NRXN1: variants seen among roughly 807,000 people sequenced by gnomAD.
NRXN1 encodes neurexin-1.
In NRXN1, 39 loss-of-function variants were observed where a neutral mutation model predicts 150.9. That is an observed-to-expected ratio of 0.26 (90% CI 0.20 to 0.34). NRXN1 has a LOEUF of 0.34. Among genes scored for constraint, NRXN1 ranks in the 10% least tolerant of loss-of-function variants. NRXN1 has a pLI of 1.00. For synonymous variants in NRXN1, 924 were observed against 757.0 expected (o/e 1.22, Z -3.62); for missense variants, 1,815 against 1,949.9 (o/e 0.93, Z 1.30).
intron 5 of NRXN1, among the ~76,000 whole-genome samples, chr2:50,762,279 C>T (rs777493596): frequency 4.6e-5 from 7 of 151,848 alleles, no homozygotes; most frequent in Non-Finnish European, 8.8e-5. Flanking sequence ...GTAGCTGAGA[C>T]TACAGGCTCA....
chr2:50,501,196 G>T (rs1005864054), intron 13 of NRXN1, among the ~76,000 whole-genome samples: 6 of 152,136 alleles, frequency 3.9e-5, no homozygotes, highest in Non-Finnish European at 5.9e-5. Flanking sequence ...TCCAGGAAGG[G>T]GAGACGGATG....
intron 12 of NRXN1, among the ~76,000 whole-genome samples, chr2:50,521,100 G>C (rs2092776113): frequency 6.6e-6 from 1 of 152,080 alleles, no homozygotes; most frequent in Non-Finnish European, 1.5e-5. Context: ...TGGTTCCAAA[G>C]CTGGTTGATT....
chr2:50,562,339 ATAG>A (rs1417966706), intron 8 of NRXN1, among the ~76,000 whole-genome samples: 15 of 152,050 alleles, frequency 9.9e-5, no homozygotes, highest in African/African-American at 3.4e-4. Flanking sequence ...CGATAGATAG[ATAG>A]ATAGATAGAT....
intron 2 of NRXN1, among the ~76,000 whole-genome samples, chr2:50,978,641 T>C (rs1696298431): frequency 6.6e-6 from 1 of 152,020 alleles, no homozygotes; most frequent in African/African-American, 2.4e-5. Context: ...AATGAAAGTT[T>C]GTTGCATTAA....
intron 17 of NRXN1, among the ~76,000 whole-genome samples, chr2:50,367,724 A>G (rs558369265): frequency 1.3e-3 from 194 of 152,136 alleles, no homozygotes; most frequent in African/African-American, 4.4e-3. Flanking sequence ...TTCTTGCCTC[A>G]GTTAATGTAT....
At chr2:50,910,462 C>G (rs1259733278) in intron 5 of NRXN1, among the ~76,000 whole-genome samples, 4 of 151,984 alleles carry the variant, frequency 2.6e-5, no homozygotes, top group Non-Finnish European at 5.9e-5. Flanking sequence ...CAAAGCCACA[C>G]AGCAGATACA....
intron 8 of NRXN1, among the ~76,000 whole-genome samples, chr2:50,561,052 A>T (rs17040830): frequency 0.044 from 6,754 of 152,298 alleles, 218 homozygotes; most frequent in African/African-American, 0.085. Flanking sequence ...CCTAGTCTCA[A>T]TTAAATACAA....
intron 2 of NRXN1, among the ~76,000 whole-genome samples, chr2:50,951,540 A>T (rs1392059436): frequency 1.3e-5 from 2 of 152,154 alleles, no homozygotes; most frequent in Non-Finnish European, 2.9e-5. Flanking sequence ...CAACTATGCA[A>T]ACCTGGAGGA....
chr2:50,191,136 C>G (rs747188060), intron 18 of NRXN1, among the ~76,000 whole-genome samples: 1 of 151,912 alleles, frequency 6.6e-6, no homozygotes, highest in African/African-American at 2.4e-5. Flanking sequence ...TCAAGCTTTT[C>G]TCCTACCTCA....
intron 18 of NRXN1, among the ~76,000 whole-genome samples, chr2:50,099,450 G>C (rs979894184): frequency 2.0e-5 from 3 of 151,920 alleles, no homozygotes; most frequent in Non-Finnish European, 4.4e-5. Context: ...ATATTCACAA[G>C]GTTGTGCAAC....
At chr2:49,930,537 A>C (rs144672076) in intron 22 of NRXN1, among the ~76,000 whole-genome samples, 1 of 152,314 alleles carries the variant, frequency 6.6e-6, no homozygotes, top group Non-Finnish European at 1.5e-5. Context: ...ACATCTATTA[A>C]ATTTTTTAAA....
chr2:50,156,282 T>G (rs183958501), intron 18 of NRXN1, among the ~76,000 whole-genome samples: 16 of 151,898 alleles, frequency 1.1e-4, no homozygotes, highest in African/African-American at 3.1e-4. Context: ...AAGGGCTAAG[T>G]CTTTTTAGAG....
intron 17 of NRXN1, among the ~76,000 whole-genome samples, chr2:50,322,310 T>G (rs1021711228): frequency 1.3e-5 from 2 of 152,216 alleles, no homozygotes; most frequent in African/African-American, 4.8e-5. Context: ...ACTTCGTGAT[T>G]GGAAGAGTGC....
intron 16 of NRXN1, among the ~76,000 whole-genome samples, chr2:50,468,871 T>C (rs1178167663): frequency 6.6e-6 from 1 of 151,614 alleles, no homozygotes; most frequent in East Asian, 1.9e-4. Context: ...GTTTAATCAA[T>C]GATAGCTGTC....
intron 5 of NRXN1, among the ~76,000 whole-genome samples, chr2:50,869,993 C>T (rs1212880085): frequency 2.0e-5 from 3 of 151,766 alleles, no homozygotes; most frequent in Admixed American, 2.0e-4. Context: ...TGCTTTTTGG[C>T]TTTTAAAATA....
intron 5 of NRXN1, among the ~76,000 whole-genome samples, chr2:50,630,579 T>C (rs1573883099): frequency 6.6e-6 from 1 of 151,686 alleles, no homozygotes; most frequent in African/African-American, 2.4e-5. Flanking sequence ...AGTCCCACTG[T>C]CCCCAGTTAC....
intron 5 of NRXN1, among the ~76,000 whole-genome samples, chr2:50,785,147 G>C (rs1657675646): frequency 6.6e-6 from 1 of 151,992 alleles, no homozygotes; most frequent in Non-Finnish European, 1.5e-5. Context: ...GTGAGAAGGT[G>C]GACATCAGTA....
chr2:50,420,500 G>A (rs1028293371), intron 17 of NRXN1, among the ~76,000 whole-genome samples: 1 of 151,882 alleles, frequency 6.6e-6, no homozygotes, highest in African/African-American at 2.4e-5. Context: ...ATTGATTTTT[G>A]CTGCTATTAG....
In NRXN1 at chr2:51,027,870, G is replaced by A. The variant is rs1670821808; in HGVS notation, c.404C>T (p.Ala135Val). 6.2e-7 allele frequency: 1 copy of A among 1,612,664 alleles called. No homozygotes were observed. The highest frequency in any genetic ancestry group is 1.7e-5 in the Admixed American group (1 of 60,006). ...CTTGGACTTGACCTCCACCCACTTG[G>A]CCTCCACCTGGTCGATGAAGAGCGT... ...NTTLFIDQVE[A>V]KWVEVKSKRR... The change falls in exon 2 of 23, where the codon GCC becomes GTC. Residue 135 changes from alanine (A) to valine (V), a missense_variant. Physicochemically the swap from Ala to Val is moderately conservative, Grantham distance 64. Transcript: ENST00000401669.
Sources: allele counts gnomAD v4.1 joint callset (sites outside exome capture counted in the v4.1 genomes callset), GRCh38; gene constraint gnomAD v4.1.1; transcripts MANE v1.5; gene names NCBI Gene and HGNC (gene_info 2026-07-23, HGNC 2026-07-21).